Variants in SYT1 observed in about 807,000 individuals in gnomAD.
SYT1 encodes synaptotagmin-1.
SYT1 carries 8 observed loss-of-function variants against 44.8 expected under a neutral mutation model. That is an observed-to-expected ratio of 0.18 (90% CI 0.10 to 0.32). SYT1 has a LOEUF of 0.32. Among genes scored for constraint, SYT1 ranks in the 10% least tolerant of loss-of-function variants. The probability of loss-of-function intolerance (pLI) is 1.00; values close to 1 mark genes in which losing one functional copy is unlikely to be tolerated. For missense variants in SYT1, 286 were observed against 509.3 expected (o/e 0.56, Z 4.22); for synonymous variants, 154 against 188.8 (o/e 0.82, Z 1.51).
rs895441291 is a variant in SYT1, at chr12:79,449,387, T to C, written c.*263T>C. On this transcript the variant is annotated 3_prime_UTR_variant, in exon 11 of 11. Transcript: ENST00000261205. ...AGCATGAATGAAATTATTTATTGTA[T>C]CACACTGTTGTATATACCAGTATGC... 6.5e-6 allele frequency: 3 copies of C among 462,738 alleles called. No individual in the cohort carries two copies. Among genetic ancestry groups the C allele is most frequent in the African/African-American group, 5.9e-5 (3 of 50,984 alleles). The allele number at this position is 462,738 out of a possible 1,614,324, so 28.7% of individuals were successfully genotyped here. A position where few individuals can be genotyped will look rare whatever the true frequency, so the allele number is the denominator to read the frequency against.
intron 3 of SYT1, among the ~76,000 whole-genome samples, chr12:79,141,304 C>A (rs1444231215): frequency 2.0e-5 from 3 of 151,966 alleles, no homozygotes; most frequent in Non-Finnish European, 4.4e-5. Context: ...TTTTAATATA[C>A]TGTGACACTC....
intron 3 of SYT1, among the ~76,000 whole-genome samples, chr12:79,133,180 T>TA (rs1404582440): frequency 1.3e-5 from 2 of 152,146 alleles, no homozygotes; most frequent in Non-Finnish European, 2.9e-5. Context: ...CACACTAAGG[T>TA]AACCATAGTC....
chr12:79,058,077 T>C (rs553738613), intron 3 of SYT1, among the ~76,000 whole-genome samples: 1 of 152,170 alleles, frequency 6.6e-6, no homozygotes, highest in East Asian at 1.9e-4. Context: ...TGAACAATTA[T>C]TAGTGTGTTT....
intron 8 of SYT1, among the ~76,000 whole-genome samples, chr12:79,351,324 T>A (rs1379367181): frequency 6.6e-6 from 1 of 152,212 alleles, no homozygotes; most frequent in South Asian, 2.1e-4. Flanking sequence ...TAAAAGGTAT[T>A]GGAAGAAGAC....
intron 10 of SYT1, among the ~76,000 whole-genome samples, chr12:79,448,098 T>C (rs1021311244): frequency 1.3e-5 from 2 of 152,232 alleles, no homozygotes; most frequent in African/African-American, 4.8e-5. Flanking sequence ...GTATATATTT[T>C]ATACCATAAT....
At chr12:79,119,203 A>C (rs1015466410) in intron 3 of SYT1, among the ~76,000 whole-genome samples, 2 of 152,212 alleles carry the variant, frequency 1.3e-5, no homozygotes, top group African/African-American at 4.8e-5. Flanking sequence ...CTGAACTTTT[A>C]ACAGGTCCTC....
At chr12:79,235,107 C>T (rs1876110460) in intron 4 of SYT1, among the ~76,000 whole-genome samples, 1 of 152,130 alleles carries the variant, frequency 6.6e-6, no homozygotes, top group Non-Finnish European at 1.5e-5. Flanking sequence ...TTAGGAAGTG[C>T]CTAAGTATAG....
intron 5 of SYT1, among the ~76,000 whole-genome samples, chr12:79,289,760 T>C (rs1322805239): frequency 2.6e-5 from 4 of 152,062 alleles, no homozygotes. Context: ...CAAAATCTTA[T>C]AGGGAGGCAA....
chr12:79,205,374 T>C (rs1023514987), intron 3 of SYT1, among the ~76,000 whole-genome samples: 1 of 152,172 alleles, frequency 6.6e-6, no homozygotes, highest in East Asian at 1.9e-4. Flanking sequence ...TACTAAAATC[T>C]TGGGAGGCTT....
chr12:78,973,820 T>C (rs1011846056), intron 1 of SYT1, among the ~76,000 whole-genome samples: 3 of 149,360 alleles, frequency 2.0e-5, no homozygotes, highest in Non-Finnish European at 4.4e-5. Context: ...AGTGATGTTC[T>C]AGGTCCTAGA....
At chr12:78,999,427 T>TGGA (rs1870589365) in intron 2 of SYT1, among the ~76,000 whole-genome samples, 2 of 152,224 alleles carry the variant, frequency 1.3e-5, no homozygotes, top group Non-Finnish European at 2.9e-5. Flanking sequence ...CTAATAGTGC[T>TGGA]GACCAAAACC....
intron 3 of SYT1, among the ~76,000 whole-genome samples, chr12:79,143,122 A>T (rs1869663597): frequency 6.6e-6 from 1 of 152,208 alleles, no homozygotes; most frequent in Non-Finnish European, 1.5e-5. Flanking sequence ...TTCTCTGATG[A>T]TACTCCAAAA....
intron 9 of SYT1, among the ~76,000 whole-genome samples, chr12:79,380,333 A>C (rs560817211): frequency 6.6e-6 from 1 of 152,350 alleles, no homozygotes; most frequent in Non-Finnish European, 1.5e-5. Flanking sequence ...AAGCACATTC[A>C]TTGCCATTTA....
At chr12:79,097,064 T>A (rs944996143) in intron 3 of SYT1, among the ~76,000 whole-genome samples, 1 of 151,956 alleles carries the variant, frequency 6.6e-6, no homozygotes, top group Non-Finnish European at 1.5e-5. Flanking sequence ...GCAGAGAAGA[T>A]AATATACCTG....
At chr12:79,004,791 A>G (rs544149881) in intron 2 of SYT1, among the ~76,000 whole-genome samples, 1 of 152,142 alleles carries the variant, frequency 6.6e-6, no homozygotes, top group South Asian at 2.1e-4. Context: ...GATAAAGGAA[A>G]TGGAGCAGAA....
intron 3 of SYT1, among the ~76,000 whole-genome samples, chr12:79,108,302 G>C (rs1289117831): frequency 6.6e-6 from 1 of 151,444 alleles, no homozygotes; most frequent in Non-Finnish European, 1.5e-5. Flanking sequence ...TGAAAATCTA[G>C]GGAAATATTT....
At chr12:79,078,909 A>G (rs1208254621) in intron 3 of SYT1, among the ~76,000 whole-genome samples, 1 of 152,172 alleles carries the variant, frequency 6.6e-6, no homozygotes, top group Non-Finnish European at 1.5e-5. Flanking sequence ...GTGTGACTTC[A>G]TGGAGAGTCC....
chr12:79,145,968 G>A (rs919636495), intron 3 of SYT1, among the ~76,000 whole-genome samples: 10 of 151,666 alleles, frequency 6.6e-5, no homozygotes, highest in Non-Finnish European at 8.8e-5. Flanking sequence ...CGTTTTAGCC[G>A]GGATGGTCTC....
intron 1 of SYT1, among the ~76,000 whole-genome samples, chr12:78,911,220 T>C (rs1447330025): frequency 6.6e-6 from 1 of 152,006 alleles, no homozygotes; most frequent in African/African-American, 2.4e-5. Flanking sequence ...TTCATTGAGA[T>C]AGAAAACACA....
Sources: gnomAD v4.1 joint callset for allele counts (sites outside exome capture counted in the v4.1 genomes callset) on GRCh38, gnomAD v4.1.1 for gene constraint, MANE v1.5 for transcripts, NCBI Gene and HGNC (gene_info 2026-07-23, HGNC 2026-07-21) for gene names.